KCTD16: variants seen among roughly 807,000 people sequenced by gnomAD.
The protein encoded by KCTD16 is potassium channel tetramerization domain containing 16.
In KCTD16, 13 loss-of-function variants were observed where a neutral mutation model predicts 33.2. The ratio of observed to expected loss-of-function variants is 0.39; its 90% CI spans 0.25 to 0.62. The LOEUF (loss-of-function observed/expected upper bound fraction) is 0.62. KCTD16 is among the 20% of genes least tolerant of loss of function. The pLI is 0.50. For synonymous variants in KCTD16, 197 were observed against 195.3 expected (o/e 1.01, Z -0.07); for missense variants, 441 against 525.1 (o/e 0.84, Z 1.57).
At chr5:144,195,948 C>G in intron 2 of KCTD16, among the ~76,000 whole-genome samples, 1 of 152,110 alleles carries the variant, frequency 6.6e-6, no homozygotes, top group Non-Finnish European at 1.5e-5. Context: ...CTCCTGTGTG[C>G]CAGTTGTCTC....
intron 3 of KCTD16, among the ~76,000 whole-genome samples, chr5:144,214,485 C>T (rs1753499925): frequency 6.6e-6 from 1 of 152,176 alleles, no homozygotes; most frequent in South Asian, 2.1e-4. Flanking sequence ...TGAACCACAT[C>T]CTTTTGTGAA....
intron 3 of KCTD16, among the ~76,000 whole-genome samples, chr5:144,340,412 A>AAAAG (rs1427676365): frequency 3.3e-5 from 5 of 151,484 alleles, no homozygotes; most frequent in African/African-American, 1.2e-4. Flanking sequence ...AAAAAAAAAA[A>AAAAG]AAAAAAAAAA....
At chr5:144,237,566 G>A (rs1754288262) in intron 3 of KCTD16, among the ~76,000 whole-genome samples, 2 of 151,938 alleles carry the variant, frequency 1.3e-5, no homozygotes, top group Middle Eastern at 6.8e-3. Context: ...ATTTTAATTA[G>A]TACAGCATTT....
rs999901687 is a variant in KCTD16, at chr5:144,473,556, C to T, written c.833-104C>T. On this transcript the variant is annotated intron_variant, in intron 3 of 3. Transcript: ENST00000512467. ...CACTTTTTCTAAAAGCATGGTTCTG[C>T]GATGCTTCTCTTATGTGTGTTTCTG... is the stretch of plus-strand genomic sequence containing the variant. 4.0e-5 allele frequency: 46 copies of T among 1,162,504 alleles called. No homozygotes were observed. The East Asian group carries it at 5.3e-4, about 13-fold the overall frequency. The allele number at this position is 1,162,504 out of a possible 1,614,324, so 72.0% of individuals were successfully genotyped here. A position where few individuals can be genotyped will look rare whatever the true frequency, so the allele number is the denominator to read the frequency against.
At chr5:144,242,913 C>A (rs1164004976) in intron 3 of KCTD16, among the ~76,000 whole-genome samples, 2 of 152,088 alleles carry the variant, frequency 1.3e-5, no homozygotes, top group Admixed American at 1.3e-4. Flanking sequence ...GGGGATCAAA[C>A]GTGAGGTTTG....
intron 3 of KCTD16, among the ~76,000 whole-genome samples, chr5:144,278,419 G>A (rs917148682): frequency 6.7e-6 from 1 of 149,810 alleles, no homozygotes. Context: ...TGTTAAAAAA[G>A]TGTGACTCTT....
intron 3 of KCTD16, among the ~76,000 whole-genome samples, chr5:144,420,533 T>C (rs758221117): frequency 8.6e-5 from 13 of 152,018 alleles, no homozygotes; most frequent in Admixed American, 6.6e-4. Flanking sequence ...TGTGTGTGTG[T>C]GCACACTCAT....
intron 3 of KCTD16, among the ~76,000 whole-genome samples, chr5:144,219,927 G>T (rs1253533762): frequency 6.6e-5 from 10 of 152,166 alleles, no homozygotes; most frequent in Non-Finnish European, 5.9e-5. Flanking sequence ...CGAAACAGAA[G>T]TGCTGCAGCT....
In KCTD16 at chr5:144,456,756, CT is replaced by C. The variant is rs979520902; in HGVS notation, c.833-16889del. Among the ~76,000 whole-genome samples, 650 of 137,888 alleles carry C rather than the reference CT, an allele frequency of 4.7e-3. 2 individuals carry two copies. Among genetic ancestry groups the C allele is most frequent in the Middle Eastern group, 0.012 (3 of 256 alleles). The allele number at this position is 137,888 out of a possible 152,430, so 90.5% of individuals were successfully genotyped here. A position where few individuals can be genotyped will look rare whatever the true frequency, so the allele number is the denominator to read the frequency against. On this transcript the variant is annotated intron_variant, in intron 3 of 3. Coordinates refer to ENST00000512467, the MANE Select transcript of KCTD16 (RefSeq NM_020768.4). ...ATCTTTGAGACTATACCACAGAACT[CT>C]TTTTTTTTTTTTTTCTGGTGGGTGT...
chr5:144,474,463 T>C lies in KCTD16; in HGVS notation c.*349T>C. On this transcript the variant is annotated 3_prime_UTR_variant, in exon 4 of 4. Coordinates refer to ENST00000512467, the MANE Select transcript of KCTD16 (RefSeq NM_020768.4). Reference sequence around the variant, plus strand: ...CAAACTGGGTTTTTTCTCTCATCCTTCTACCTCCCTCCTTTGAATGAGGGT... The same window carrying C: ...CAAACTGGGTTTTTTCTCTCATCCTCCTACCTCCCTCCTTTGAATGAGGGT... 1 of 193,712 alleles carries C rather than the reference T, an allele frequency of 5.2e-6. No individual in the cohort carries two copies. The allele number at this position is 193,712 out of a possible 1,614,324, so 12.0% of individuals were successfully genotyped here.
At chr5:144,361,511 T>C (rs1178961591) in intron 3 of KCTD16, among the ~76,000 whole-genome samples, 2 of 152,210 alleles carry the variant, frequency 1.3e-5, no homozygotes, top group Non-Finnish European at 2.9e-5. Flanking sequence ...GTCTCCATGA[T>C]TTCAGGAATT....
intron 3 of KCTD16, among the ~76,000 whole-genome samples, chr5:144,284,579 A>T (rs1339025240): frequency 6.6e-6 from 1 of 152,224 alleles, no homozygotes; most frequent in African/African-American, 2.4e-5. Context: ...GCCATTCTCC[A>T]GTAATATTGA....
At position 144,483,845 on chromosome 5, in the gene KCTD16, A is replaced by G. The variant is rs1395990596; in HGVS notation, c.*9731A>G. On this transcript the variant is annotated 3_prime_UTR_variant, in exon 4 of 4. Coordinates refer to ENST00000512467, the MANE Select transcript of KCTD16 (RefSeq NM_020768.4). ...ACACAACAGAAGCACTTGTAAACTA[A>G]TTAAGCACGGTCACTGAATCCTTTT... The G allele has an allele frequency of 6.6e-6, 1 of 151,934 alleles. No individual in the cohort carries two copies. Among genetic ancestry groups the G allele is most frequent in the Non-Finnish European group, 1.5e-5 (1 of 67,924 alleles). The allele number at this position is 151,934 out of a possible 1,614,324, so 9.4% of individuals were successfully genotyped here.
chr5:144,381,936 T>C (rs570346910), intron 3 of KCTD16, among the ~76,000 whole-genome samples: 9 of 152,086 alleles, frequency 5.9e-5, no homozygotes, highest in Admixed American at 4.6e-4. Context: ...ATATGTTCAT[T>C]GCAGCACTAT....
chr5:144,397,891 T>A (rs1328144977), intron 3 of KCTD16, among the ~76,000 whole-genome samples: 1 of 152,194 alleles, frequency 6.6e-6, no homozygotes, highest in African/African-American at 2.4e-5. Context: ...ATCTCTGATG[T>A]TAGTGAGAAG....
intron 3 of KCTD16, among the ~76,000 whole-genome samples, chr5:144,472,921 A>G (rs755607055): frequency 2.4e-4 from 36 of 152,224 alleles, no homozygotes; most frequent in Admixed American, 4.6e-4. Context: ...TGGCATGGTT[A>G]TGGCCCTTGC....
chr5:144,392,033 A>G (rs1226903440), intron 3 of KCTD16, among the ~76,000 whole-genome samples: 1 of 152,234 alleles, frequency 6.6e-6, no homozygotes, highest in Admixed American at 6.5e-5. Context: ...AGGTAAGCCT[A>G]ATGACTATAT....
chr5:144,390,178 C>T (rs1752417035), intron 3 of KCTD16, among the ~76,000 whole-genome samples: 1 of 152,184 alleles, frequency 6.6e-6, no homozygotes, highest in African/African-American at 2.4e-5. Flanking sequence ...ATTTAGTACC[C>T]TTTTCTATAT....
chr5:144,463,277 A>T (rs1159180690), intron 3 of KCTD16, among the ~76,000 whole-genome samples: 1 of 152,240 alleles, frequency 6.6e-6, no homozygotes, highest in Non-Finnish European at 1.5e-5. Flanking sequence ...CCTATTGAAA[A>T]AAAGCAGAAG....
Sources: allele counts gnomAD v4.1 joint callset (sites outside exome capture counted in the v4.1 genomes callset), GRCh38; gene constraint gnomAD v4.1.1; transcripts MANE v1.5; gene names NCBI Gene and HGNC (gene_info 2026-07-23, HGNC 2026-07-21).